Variants in NRXN3 observed in about 807,000 individuals in gnomAD.
NRXN3 encodes neurexin III.
In NRXN3, 32 loss-of-function variants were observed where a neutral mutation model predicts 137.6. That is an observed-to-expected ratio of 0.23 (90% CI 0.18 to 0.31). The LOEUF (loss-of-function observed/expected upper bound fraction) is 0.31. Ranked by LOEUF, NRXN3 falls within the 10% of genes least tolerant of loss-of-function variation. The pLI is 1.00. For synonymous variants in NRXN3, 798 were observed against 784.5 expected (o/e 1.02, Z -0.29); for missense variants, 1,574 against 2,062.5 (o/e 0.76, Z 4.59).
intron 15 of NRXN3, among the ~76,000 whole-genome samples, chr14:79,026,009 C>T (rs985803114): frequency 6.6e-6 from 1 of 152,100 alleles, no homozygotes; most frequent in Non-Finnish European, 1.5e-5. Flanking sequence ...AGGTATGTCT[C>T]ATCGGTCAGC....
intron 1 of NRXN3, among the ~76,000 whole-genome samples, chr14:78,175,098 A>G (rs979526801): frequency 2.0e-5 from 3 of 152,192 alleles, no homozygotes; most frequent in Admixed American, 6.5e-5. Flanking sequence ...GGCTGCCTTA[A>G]CTACCGGACG....
intron 4 of NRXN3, among the ~76,000 whole-genome samples, chr14:78,351,744 C>T (rs2083521679): frequency 6.7e-6 from 1 of 149,828 alleles, no homozygotes. Context: ...AATATCTTTC[C>T]CAGTGTATCT....
chr14:78,320,680 G>GAGTT (rs1434730791), intron 4 of NRXN3, among the ~76,000 whole-genome samples: 2 of 152,182 alleles, frequency 1.3e-5, no homozygotes, highest in Non-Finnish European at 2.9e-5. Flanking sequence ...GGTCAACTGG[G>GAGTT]AGTTGGGGGT....
At chr14:79,326,179 T>C (rs2090832882) in intron 15 of NRXN3, among the ~76,000 whole-genome samples, 1 of 152,190 alleles carries the variant, frequency 6.6e-6, no homozygotes, top group African/African-American at 2.4e-5. Context: ...GAAGTGATGA[T>C]AATGTATTTC....
At chr14:79,669,345 A>G (rs1427453775) in intron 17 of NRXN3, 1 of 152,128 alleles carries the variant, frequency 6.6e-6, no homozygotes, top group Non-Finnish European at 1.5e-5. Context: ...ATTGTGAGGA[A>G]CATTTTAAAA....
chr14:78,859,979 TA>T (rs1298279036), intron 10 of NRXN3, among the ~76,000 whole-genome samples: 1 of 152,116 alleles, frequency 6.6e-6, no homozygotes, highest in Non-Finnish European at 1.5e-5. Context: ...TATATCCTAA[TA>T]AGTTTCTAAA....
chr14:79,265,982 A>G (rs1007221148), intron 15 of NRXN3, among the ~76,000 whole-genome samples: 5 of 152,194 alleles, frequency 3.3e-5, no homozygotes, highest in African/African-American at 1.2e-4. Flanking sequence ...GACGTGGGAC[A>G]GGAAAAATAA....
intron 15 of NRXN3, among the ~76,000 whole-genome samples, chr14:79,360,570 A>T (rs1174838975): frequency 6.6e-6 from 1 of 152,242 alleles, no homozygotes; most frequent in South Asian, 2.1e-4. Flanking sequence ...ATGCTGAAAG[A>T]TGAATGCTCA....
intron 15 of NRXN3, among the ~76,000 whole-genome samples, chr14:79,401,585 C>T (rs539248486): frequency 3.3e-5 from 5 of 152,082 alleles, no homozygotes; most frequent in African/African-American, 1.2e-4. Flanking sequence ...TAATAATGAA[C>T]TTTTCTGTAA....
chr14:78,248,295 GCCCCCCGCCCCC>G (rs2068001805), intron 2 of NRXN3, among the ~76,000 whole-genome samples: 1 of 14,378 alleles, frequency 7.0e-5, no homozygotes, highest in Non-Finnish European at 1.3e-4. Flanking sequence ...ACTAGCCACC[GCCCCCCGCCCCC>G]CCCCCCCCCA....
chr14:79,621,408 A>G (rs1368432730), intron 16 of NRXN3, among the ~76,000 whole-genome samples: 1 of 152,246 alleles, frequency 6.6e-6, no homozygotes, highest in Non-Finnish European at 1.5e-5. Context: ...TGTAAATACA[A>G]TGGAAAAGGT....
chr14:79,740,736 A>T (rs1465480634), intron 19 of NRXN3, among the ~76,000 whole-genome samples: 3 of 39,990 alleles, frequency 7.5e-5, no homozygotes, highest in African/African-American at 2.0e-4. Flanking sequence ...ATATATATAT[A>T]TATATATATA....
At chr14:79,520,809 C>T (rs1312775444) in intron 16 of NRXN3, among the ~76,000 whole-genome samples, 1 of 152,172 alleles carries the variant, frequency 6.6e-6, no homozygotes, top group Non-Finnish European at 1.5e-5. Flanking sequence ...AATGCTTTTA[C>T]ACTTTGGTGG....
chr14:79,466,901 A>G (rs536594823), intron 15 of NRXN3, among the ~76,000 whole-genome samples: 4 of 152,250 alleles, frequency 2.6e-5, no homozygotes, highest in African/African-American at 9.6e-5. Context: ...GAAGACCAGA[A>G]AGTTGTTTAT....
At chr14:79,492,181 A>C (rs916307586) in intron 16 of NRXN3, among the ~76,000 whole-genome samples, 1 of 152,204 alleles carries the variant, frequency 6.6e-6, no homozygotes, top group Admixed American at 6.5e-5. Context: ...ACTCCAAAAA[A>C]ATTAATTAAA....
At chr14:78,345,514 T>C (rs2082625530) in intron 4 of NRXN3, among the ~76,000 whole-genome samples, 1 of 152,180 alleles carries the variant, frequency 6.6e-6, no homozygotes. Flanking sequence ...AGCATTTTCC[T>C]ACACCTGCCT....
intron 14 of NRXN3, among the ~76,000 whole-genome samples, chr14:78,981,993 G>A (rs1264321220): frequency 6.6e-6 from 1 of 152,104 alleles, no homozygotes; most frequent in African/African-American, 2.4e-5. Flanking sequence ...TCATTCAATA[G>A]TTATTACATA....
chr14:78,624,446 T>A (rs1266687462), intron 4 of NRXN3, among the ~76,000 whole-genome samples: 2 of 152,192 alleles, frequency 1.3e-5, no homozygotes, highest in Non-Finnish European at 2.9e-5. Flanking sequence ...TGGAAAAAGT[T>A]GTGCAGTGAA....
chr14:78,251,405 A>G (rs2068605905), intron 2 of NRXN3, among the ~76,000 whole-genome samples: 1 of 152,188 alleles, frequency 6.6e-6, no homozygotes, highest in Non-Finnish European at 1.5e-5. Context: ...GGTCCCTTCT[A>G]AGTCTCCACA....
Sources: allele counts gnomAD v4.1 joint callset (sites outside exome capture counted in the v4.1 genomes callset), GRCh38; gene constraint gnomAD v4.1.1; transcripts MANE v1.5; gene names NCBI Gene and HGNC (gene_info 2026-07-23, HGNC 2026-07-21).